The following HDAC9 variants were observed in gnomAD, a reference collection of about 807,000 sequenced individuals.
The protein encoded by HDAC9 is MEF-2 interacting transcription repressor (MITR) protein.
In HDAC9, 41 loss-of-function variants were observed where a neutral mutation model predicts 139.4. The observed-to-expected ratio is 0.29, with a 90% CI of 0.23 to 0.38. HDAC9 has a LOEUF of 0.38. Ranked by LOEUF, HDAC9 falls within the 10% of genes least tolerant of loss-of-function variation. The pLI is 1.00. For missense variants in HDAC9, 1,147 were observed against 1,297.0 expected (o/e 0.88, Z 1.78); for synonymous variants, 517 against 476.2 (o/e 1.09, Z -1.12).
intron 2 of HDAC9, among the ~76,000 whole-genome samples, chr7:18,188,363 G>T (rs1197985255): frequency 6.6e-6 from 1 of 152,152 alleles, no homozygotes; most frequent in Admixed American, 6.5e-5. Context: ...ATGGATTAAA[G>T]ACTTAAATGT....
At chr7:18,299,633 G>GT (rs1315385957) in intron 1 of HDAC9, among the ~76,000 whole-genome samples, 1 of 152,212 alleles carries the variant, frequency 6.6e-6, no homozygotes, top group Non-Finnish European at 1.5e-5. Context: ...GTTAGAGAAA[G>GT]AAAGGTTATC....
chr7:18,125,139 G>A (rs1306192754), intron 1 of HDAC9, among the ~76,000 whole-genome samples: 2 of 152,144 alleles, frequency 1.3e-5, no homozygotes, highest in Non-Finnish European at 2.9e-5. Flanking sequence ...AAGTTGACTC[G>A]TGGCTGAGAA....
chr7:18,562,860 T>C (rs762515446), intron 2 of HDAC9, among the ~76,000 whole-genome samples: 6 of 152,148 alleles, frequency 3.9e-5, no homozygotes, highest in Non-Finnish European at 8.8e-5. Flanking sequence ...CTTAATAATA[T>C]TAAATATTTA....
intron 1 of HDAC9, among the ~76,000 whole-genome samples, chr7:18,296,362 C>T (rs992333468): frequency 4.6e-5 from 7 of 151,508 alleles, no homozygotes; most frequent in South Asian, 2.1e-4. Flanking sequence ...TAAAGATCTA[C>T]GTCTTTAAAA....
At chr7:18,766,367 A>G (rs991622298) in intron 15 of HDAC9, among the ~76,000 whole-genome samples, 3 of 152,242 alleles carry the variant, frequency 2.0e-5, no homozygotes, top group Admixed American at 6.5e-5. Flanking sequence ...GGTAAACAAA[A>G]TAATTACTAA....
chr7:18,307,966 A>G (rs1042656298), intron 1 of HDAC9, among the ~76,000 whole-genome samples: 14 of 152,248 alleles, frequency 9.2e-5, no homozygotes, highest in African/African-American at 3.4e-4. Context: ...CTGACTAGAT[A>G]TACTTTCCAG....
chr7:18,806,238 T>A (rs757939273), intron 17 of HDAC9, among the ~76,000 whole-genome samples: 1 of 152,214 alleles, frequency 6.6e-6, no homozygotes, highest in Non-Finnish European at 1.5e-5. Flanking sequence ...CTATAACAAA[T>A]TACCCCAAAT....
intron 13 of HDAC9, among the ~76,000 whole-genome samples, chr7:18,738,669 CT>C (rs1787155477): frequency 6.6e-6 from 1 of 152,172 alleles, no homozygotes; most frequent in African/African-American, 2.4e-5. Flanking sequence ...GTAACCCGAC[CT>C]TTGTGTCTGG....
chr7:18,983,635 GTC>G (rs1785104589), intron 25 of HDAC9, among the ~76,000 whole-genome samples: 2 of 152,290 alleles, frequency 1.3e-5, no homozygotes, highest in East Asian at 3.9e-4. Flanking sequence ...TTGTAGGGAA[GTC>G]ATATGTTTTA....
chr7:18,303,532 C>A (rs1267758342), intron 1 of HDAC9, among the ~76,000 whole-genome samples: 1 of 152,068 alleles, frequency 6.6e-6, no homozygotes. Flanking sequence ...AAGGCTTGAA[C>A]CACCGCGCCC....
intron 24 of HDAC9, among the ~76,000 whole-genome samples, chr7:18,963,027 C>T (rs989699228): frequency 3.3e-5 from 5 of 149,760 alleles, no homozygotes; most frequent in African/African-American, 1.2e-4. Context: ...GAACAATGTT[C>T]TACCAGATTG....
intron 12 of HDAC9, among the ~76,000 whole-genome samples, chr7:18,705,880 A>T (rs1783867804): frequency 6.7e-6 from 1 of 148,602 alleles, no homozygotes; most frequent in South Asian, 2.1e-4. Flanking sequence ...AAAATAAAAT[A>T]AAAGAAATGG....
Position 18,593,985 on chromosome 7 carries a change from C to T in HDAC9, c.620C>T (p.Pro207Leu), listed in dbSNP as rs765121114. Residue 207 changes from proline (P) to leucine (L), a missense_variant, in exon 6 of 26, where the codon CCA becomes CTA. This residue lies in a region of HDAC9 where 79 missense variants were observed against 65.8 expected (regional missense o/e 1.20). Coordinates refer to ENST00000686413, the MANE Select transcript of HDAC9 (RefSeq NM_178425.4). ...GTSPSYKYTL[P>L]GAQDAKDDFP... ...TCTCCATCCTACAAGTACACATTACCAGGAGCACAAGATGCAAAGGATGAT... is the reference window on the plus strand; with the variant it reads ...TCTCCATCCTACAAGTACACATTACTAGGAGCACAAGATGCAAAGGATGAT... The T allele has an allele frequency of 5.0e-6, 8 of 1,612,658 alleles. 1 individual carries two copies. Among genetic ancestry groups the T allele is most frequent in the Non-Finnish European group, 6.8e-6 (8 of 1,179,048 alleles).
At chr7:18,799,038 AAGACACACACACACACACACACACACAC>A (rs1459743774) in intron 17 of HDAC9, among the ~76,000 whole-genome samples, 58 of 143,634 alleles carry the variant, frequency 4.0e-4, no homozygotes, top group Non-Finnish European at 6.8e-4. Flanking sequence ...AATGTGCCCT[AAGACACACACACACACACACACACACAC>A]ACACACACAC....
At chr7:18,855,496 A>T (rs1333229772) in intron 21 of HDAC9, among the ~76,000 whole-genome samples, 1 of 151,832 alleles carries the variant, frequency 6.6e-6, no homozygotes, top group Non-Finnish European at 1.5e-5. Context: ...CATCATGAGC[A>T]TGCCTTTCCT....
At chr7:18,369,471 C>T (rs1316604229) in intron 1 of HDAC9, among the ~76,000 whole-genome samples, 1 of 151,640 alleles carries the variant, frequency 6.6e-6, no homozygotes, top group Non-Finnish European at 1.5e-5. Context: ...TTTTCTTTTT[C>T]CTTTTTTTCT....
At chr7:18,686,728 C>T (rs943607951) in intron 12 of HDAC9, among the ~76,000 whole-genome samples, 1 of 151,688 alleles carries the variant, frequency 6.6e-6, no homozygotes, top group African/African-American at 2.4e-5. Context: ...ACTCTGTCAA[C>T]ATTTATACAA....
intron 8 of HDAC9, among the ~76,000 whole-genome samples, chr7:18,641,191 C>T (rs1785492164): frequency 6.6e-6 from 1 of 151,994 alleles, no homozygotes; most frequent in South Asian, 2.1e-4. Context: ...TGTTCCAGTC[C>T]ATGTGTTTTG....
intron 2 of HDAC9, among the ~76,000 whole-genome samples, chr7:18,242,762 T>C (rs1490242680): frequency 6.6e-6 from 1 of 152,192 alleles, no homozygotes; most frequent in African/African-American, 2.4e-5. Context: ...TCTCACATTT[T>C]CCTTAAATGT....
Sources: gnomAD v4.1 joint callset for allele counts (sites outside exome capture counted in the v4.1 genomes callset) on GRCh38, gnomAD v4.1.1 for gene constraint, gnomAD v4.1.1 regional missense constraint, MANE v1.5 for transcripts, NCBI Gene and HGNC (gene_info 2026-07-23, HGNC 2026-07-21) for gene names.